The following ZNF154 variants were observed in gnomAD, a reference collection of about 807,000 sequenced individuals.
ZNF154 encodes zinc finger protein 154, also known as zinc finger protein 154 (pHZ-92).
A neutral mutation model predicts 7.5 loss-of-function variants in ZNF154; 6 were observed. The ratio of observed to expected loss-of-function variants is 0.80; its 90% CI spans 0.44 to 1.57. The LOEUF is 1.57. Among genes scored for constraint, ZNF154 ranks in the 40% most tolerant of loss-of-function variants. ZNF154 has a pLI of 0.01. For missense variants in ZNF154, 485 were observed against 531.4 expected (o/e 0.91, Z 0.86); for synonymous variants, 187 against 185.9 (o/e 1.01, Z -0.05).
In ZNF154 at chr19:57,702,500, T is replaced by C; in HGVS notation, c.449A>G (p.Gln150Arg). 6.2e-7 allele frequency: 1 copy of C among 1,614,256 alleles called. No homozygotes were observed. The highest frequency in any genetic ancestry group is 8.5e-7 in the Non-Finnish European group (1 of 1,180,048). ...KAFSGKHTLV[Q>R]QQRTLTTERC... The stretch of plus-strand genomic sequence containing the variant: ...TTCTGTAGTGAGGGTTCTCTGCTGC[T>C]GAACAAGTGTGTGTTTACCGCTGAA... Residue 150 changes from glutamine (Q) to arginine (R), a missense_variant, in exon 3 of 3, where the codon CAG becomes CGG. Physicochemically the swap from Gln to Arg is conservative, Grantham distance 43. Coordinates refer to ENST00000684351, the MANE Select transcript of ZNF154 (RefSeq NM_001085384.3).
chr19:57,703,421 G>A (rs960750763), intron 2 of ZNF154, among the ~76,000 whole-genome samples: 1 of 147,424 alleles, frequency 6.8e-6, no homozygotes, highest in East Asian at 2.0e-4. Flanking sequence ...GGAGGCGGAG[G>A]TTGCAGCGAG....
At chr19:57,708,808 AAG>A (rs1356982481) in intron 1 of ZNF154, 129 bp downstream of exon 1, 13 of 1,241,920 alleles carry the variant, frequency 1.0e-5, no homozygotes, top group Non-Finnish European at 1.4e-5. Context: ...GTGTCAAAAA[AAG>A]GGCCCCACCC....
intron 1 of ZNF154, among the ~76,000 whole-genome samples, chr19:57,707,113 C>CAAAAAAAAAAAAAAAAAAAAA (rs1282058157): frequency 2.1e-5 from 2 of 94,256 alleles, no homozygotes; most frequent in Non-Finnish European, 4.2e-5. Flanking sequence ...CACTCCATCT[C>CAAAAAAAAAAAAAAAAAAAAA]AAAAAAAAAA....
chr19:57,708,029 G>T (rs1024620531), intron 1 of ZNF154, among the ~76,000 whole-genome samples: 1 of 152,102 alleles, frequency 6.6e-6, no homozygotes, highest in Non-Finnish European at 1.5e-5. Context: ...AGTTCCATAC[G>T]CCCTTCTACA....
chr19:57,703,091 G>A (rs1441140324), intron 2 of ZNF154, among the ~76,000 whole-genome samples: 1 of 152,224 alleles, frequency 6.6e-6, no homozygotes, highest in Non-Finnish European at 1.5e-5. Flanking sequence ...CCTTATACAA[G>A]TGTGTGTATG....
At chr19:57,707,347 T>C (rs749792673) in intron 1 of ZNF154, among the ~76,000 whole-genome samples, 1 of 152,184 alleles carries the variant, frequency 6.6e-6, no homozygotes, top group Non-Finnish European at 1.5e-5. Flanking sequence ...TTACTGTTAA[T>C]ACCAACTTCT....
Position 57,702,148 on chromosome 19 carries a change from G to A in ZNF154, c.801C>T (p.His267=). 1 of 1,613,784 alleles carries A rather than the reference G, an allele frequency of 6.2e-7. No individual in the cohort carries two copies. The highest frequency in any genetic ancestry group is 8.5e-7 in the Non-Finnish European group (1 of 1,179,990). The change falls in exon 3 of 3, where the codon CAC becomes CAT. Residue 267 remains histidine (H), a synonymous_variant. Transcript: ENST00000684351. ...RSALLQHRGV[H]TGERPYECSE... is the part of the protein sequence containing the mutation. The stretch of plus-strand genomic sequence containing the variant: ...TGCACTCATAAGGCCTCTCCCCAGT[G>A]TGAACTCCCCGATGTTGAAGGAGTG...
Position 57,704,994 on chromosome 19 carries a change from A to G in ZNF154, c.34-15T>C. 1 of 1,601,796 alleles carries G rather than the reference A, an allele frequency of 6.2e-7. No homozygotes were observed. Among genetic ancestry groups the G allele is most frequent in the Non-Finnish European group, 8.5e-7 (1 of 1,175,536 alleles). On this transcript the variant is annotated splice_polypyrimidine_tract_variant and intron_variant, in intron 1 of 2. Transcript: ENST00000684351. The stretch of plus-strand genomic sequence containing the variant: ...GTCACAGTGCCCTGCCACAATGGGA[A>G]CAGATGAAACCACCAAGAGCCCCTA...
At chr19:57,707,496 A>G (rs971907202) in intron 1 of ZNF154, among the ~76,000 whole-genome samples, 9 of 152,148 alleles carry the variant, frequency 5.9e-5, no homozygotes, top group Non-Finnish European at 8.8e-5. Context: ...ACTCTGGTCC[A>G]TTACCCTGGA....
Position 57,702,554 on chromosome 19 carries a change from TGAG to T in ZNF154, c.392_394del (p.Thr131_His132delinsAsn). On this transcript the variant is annotated inframe_deletion, in exon 3 of 3. Coordinates refer to ENST00000684351, the MANE Select transcript of ZNF154 (RefSeq NM_001085384.3). The stretch of plus-strand genomic sequence containing the variant: ...TTTTGTGTGTTCTCCACAGTTGTAA[TGAG>T]TTTTTCCTCTGTGACTGATGGCCCC... The T allele has an allele frequency of 6.2e-7, 1 of 1,614,036 alleles. No individual in the cohort carries two copies. Among genetic ancestry groups the T allele is most frequent in the South Asian group, 1.1e-5 (1 of 91,084 alleles).
Position 57,697,995 on chromosome 19 carries a change from G to A in ZNF154, c.*3640C>T, listed in dbSNP as rs1005106330. 1 of 152,018 alleles carries A rather than the reference G, an allele frequency of 6.6e-6. No individual in the cohort carries two copies. The highest frequency in any genetic ancestry group is 2.4e-5 in the African/African-American group (1 of 41,380). The allele number at this position is 152,018 out of a possible 1,614,324, so 9.4% of individuals were successfully genotyped here. ...ATCAAAATATGCATTTTAAATATAA[G>A]CACTTTAAGTTCCATTATACCTCAA... On this transcript the variant is annotated 3_prime_UTR_variant, in exon 3 of 3. Transcript: ENST00000684351.
rs776540440 is a variant in ZNF154, at chr19:57,709,084, G to C, written c.-113C>G. On this transcript the variant is annotated 5_prime_UTR_variant, in exon 1 of 3. Coordinates refer to ENST00000684351, the MANE Select transcript of ZNF154 (RefSeq NM_001085384.3). ...GGGTCCCCCAGGGCGGCGTCGCCAA[G>C]GCTTAGACGCTTTCGTGCAGGAGGG... The C allele has an allele frequency of 1.0e-4, 147 of 1,434,642 alleles. 1 individual carries two copies. The highest frequency in any genetic ancestry group is 3.8e-4 in the East Asian group (15 of 39,914). 88.9% of individuals were successfully genotyped at this position (1,434,642 alleles called of 1,614,324 possible). A position where few individuals can be genotyped will look rare whatever the true frequency, so the allele number is the denominator to read the frequency against.
Position 57,702,535 on chromosome 19 carries a change from G to T in ZNF154, c.414C>A (p.His138Gln). Reference sequence around the variant, plus strand: ...TGTGTTTACCGCTGAATGCTTTTGTGTGTTCTCCACAGTTGTAATGAGTTT... The same window carrying T: ...TGTGTTTACCGCTGAATGCTTTTGTTTGTTCTCCACAGTTGTAATGAGTTT... ...RGKTHYNCGEHTKAFSGKHTL... is the reference protein window; with the variant it reads ...RGKTHYNCGEQTKAFSGKHTL... Residue 138 changes from histidine (H) to glutamine (Q), a missense_variant, in exon 3 of 3, where the codon CAC (histidine) becomes CAA (glutamine). Coordinates refer to ENST00000684351, the MANE Select transcript of ZNF154 (RefSeq NM_001085384.3). 6.2e-7 allele frequency: 1 copy of T among 1,614,088 alleles called. No individual in the cohort carries two copies. Among genetic ancestry groups the T allele is most frequent in the Non-Finnish European group, 8.5e-7 (1 of 1,180,022 alleles).
At position 57,696,333 on chromosome 19, in the gene ZNF154, A is replaced by C. The variant is rs1984893896; in HGVS notation, c.*5302T>G. On this transcript the variant is annotated 3_prime_UTR_variant, in exon 3 of 3. Transcript: ENST00000684351. The stretch of plus-strand genomic sequence containing the variant: ...CCCATTTCTCTTTCTCTTGTACCTT[A>C]AGACCTGCCTGGATCAGGTAAATGA... Among the ~76,000 whole-genome samples, 1 of 152,136 alleles carries C rather than the reference A, an allele frequency of 6.6e-6. No homozygotes were observed. The highest frequency in any genetic ancestry group is 1.5e-5 in the Non-Finnish European group (1 of 68,036).
Position 57,702,012 on chromosome 19 carries a change from T to C in ZNF154, c.937A>G (p.Asn313Asp), listed in dbSNP as rs759084487. ...CTATGGTGTTCAATGAGGCTAGAGT[T>C]TTGGCTAAATGACTTCCCACATTCG... is the stretch of plus-strand genomic sequence containing the variant. ...CSECGKSFSQNSSLIEHHRVH... is the reference protein window; with the variant it reads ...CSECGKSFSQDSSLIEHHRVH... Residue 313 changes from asparagine to aspartate, a missense_variant, in exon 3 of 3, where the codon AAC becomes GAC. Transcript: ENST00000684351. 1 of 1,613,688 alleles carries C rather than the reference T, an allele frequency of 6.2e-7. No homozygotes were observed. Among genetic ancestry groups the C allele is most frequent in the South Asian group, 1.1e-5 (1 of 91,072 alleles).
intron 1 of ZNF154, among the ~76,000 whole-genome samples, chr19:57,706,295 G>A (rs1985386647): frequency 6.6e-6 from 1 of 152,096 alleles, no homozygotes; most frequent in Admixed American, 6.6e-5. Context: ...CTCAGATTTA[G>A]GCCACACAGA....
chr19:57,707,113 C>CAAAAAAAAAAAAAAAAAA (rs1282058157), intron 1 of ZNF154, among the ~76,000 whole-genome samples: 5 of 94,238 alleles, frequency 5.3e-5, no homozygotes, highest in African/African-American at 8.8e-5. Flanking sequence ...CACTCCATCT[C>CAAAAAAAAAAAAAAAAAA]AAAAAAAAAA....
chr19:57,702,410 C>G lies in ZNF154; in HGVS notation c.539G>C (p.Trp180Ser). 6.2e-7 allele frequency: 1 copy of G among 1,613,974 alleles called. No individual in the cohort carries two copies. Among genetic ancestry groups the G allele is most frequent in the Middle Eastern group, 1.6e-4 (1 of 6,062 alleles). ...FSKSYSLNDH[W>S]RLHTGEKPYE... Reference sequence around the variant, plus strand: ...AGGCTTTTCTCCAGTGTGAAGTCTCCAATGGTCATTGAGACTGTAGCTTTT... The same window carrying G: ...AGGCTTTTCTCCAGTGTGAAGTCTCGAATGGTCATTGAGACTGTAGCTTTT... Residue 180 changes from tryptophan (W) to serine (S), a missense_variant, in exon 3 of 3, where the codon TGG becomes TCG. Trp to Ser is a radical substitution (Grantham distance 177). Transcript: ENST00000684351.
rs1038882263 is a variant in ZNF154 at position 57,708,375 on chromosome 19, G to T, written c.33+564C>A. 2.6e-5 allele frequency among the ~76,000 whole-genome samples: 4 copies of T among 152,220 alleles called. No individual in the cohort carries two copies. In the East Asian group the frequency reaches 7.8e-4, roughly 30 times the overall value. On this transcript the variant is annotated intron_variant, in intron 1 of 2. Coordinates refer to ENST00000684351, the MANE Select transcript of ZNF154 (RefSeq NM_001085384.3). ...TTGTCAGGAGTTCCAGACCAGTCTG[G>T]CCAAAATGGTGAAATCCCGTCTCTA...
Sources: allele counts gnomAD v4.1 joint callset (sites outside exome capture counted in the v4.1 genomes callset), GRCh38; gene constraint gnomAD v4.1.1; transcripts MANE v1.5; gene names NCBI Gene and HGNC (gene_info 2026-07-23, HGNC 2026-07-21).